FOXN3: variants seen among roughly 807,000 people sequenced by gnomAD.
FOXN3 encodes forkhead box protein N3.
FOXN3 carries 7 observed loss-of-function variants against 38.4 expected under a neutral mutation model. That is an observed-to-expected ratio of 0.18 (90% CI 0.10 to 0.34). FOXN3 has a LOEUF of 0.34. Ranked by LOEUF, FOXN3 falls within the 10% of genes least tolerant of loss-of-function variation. FOXN3 has a pLI of 1.00. For synonymous variants in FOXN3, 230 were observed against 242.2 expected (o/e 0.95, Z 0.47); for missense variants, 456 against 613.4 (o/e 0.74, Z 2.71).
intron 4 of FOXN3, among the ~76,000 whole-genome samples, chr14:89,245,805 G>A (rs574917093): frequency 6.6e-6 from 1 of 152,254 alleles, no homozygotes; most frequent in African/African-American, 2.4e-5. Flanking sequence ...CTGAGGACAC[G>A]CAGCCGGAGA....
chr14:89,533,112 A>G (rs551547878), intron 1 of FOXN3, among the ~76,000 whole-genome samples: 4 of 152,244 alleles, frequency 2.6e-5, no homozygotes, highest in Non-Finnish European at 5.9e-5. Flanking sequence ...GAATGTAAAT[A>G]GGCACTGATT....
chr14:89,277,926 C>T (rs778896315), intron 4 of FOXN3, among the ~76,000 whole-genome samples: 4 of 152,106 alleles, frequency 2.6e-5, no homozygotes, highest in Non-Finnish European at 5.9e-5. Flanking sequence ...CTTGCAATGA[C>T]ATTTTTTTTC....
intron 4 of FOXN3, among the ~76,000 whole-genome samples, chr14:89,188,365 A>C (rs1309456597): frequency 1.3e-5 from 2 of 152,162 alleles, no homozygotes; most frequent in African/African-American, 4.8e-5. Context: ...GAATCCAGTA[A>C]TCATGGACGT....
intron 1 of FOXN3, among the ~76,000 whole-genome samples, chr14:89,541,176 T>C (rs1178352506): frequency 6.6e-6 from 1 of 152,186 alleles, no homozygotes; most frequent in South Asian, 2.1e-4. Flanking sequence ...GCACTTTTCC[T>C]TCCTGGTTCA....
chr14:89,471,668 A>G (rs754379834), intron 1 of FOXN3, among the ~76,000 whole-genome samples: 6 of 152,202 alleles, frequency 3.9e-5, no homozygotes, highest in Non-Finnish European at 8.8e-5. Flanking sequence ...GACACATACT[A>G]CAAACATCAC....
intron 1 of FOXN3, among the ~76,000 whole-genome samples, chr14:89,450,590 CTT>C (rs35023413): frequency 8.7e-4 from 126 of 144,296 alleles, no homozygotes; most frequent in Admixed American, 1.4e-3. Flanking sequence ...TTCATCTTTC[CTT>C]TTTTTTTTTT....
chr14:89,566,941 T>G (rs920845629), intron 1 of FOXN3, among the ~76,000 whole-genome samples: 2 of 150,440 alleles, frequency 1.3e-5, no homozygotes, highest in African/African-American at 4.9e-5. Context: ...CCTTTTTTCC[T>G]CTAAGGTGGG....
intron 1 of FOXN3, among the ~76,000 whole-genome samples, chr14:89,485,599 A>C (rs1487858086): frequency 6.6e-6 from 1 of 152,184 alleles, no homozygotes; most frequent in Non-Finnish European, 1.5e-5. Flanking sequence ...CCAGAGAAGC[A>C]GAAAAGATCA....
intron 1 of FOXN3, among the ~76,000 whole-genome samples, chr14:89,554,920 C>T (rs1895083991): frequency 6.6e-6 from 1 of 151,718 alleles, no homozygotes; most frequent in African/African-American, 2.4e-5. Flanking sequence ...TCCCGAGTAG[C>T]TGTGATTACA....
chr14:89,239,625 AG>A (rs1411380834), intron 4 of FOXN3, among the ~76,000 whole-genome samples: 1 of 152,232 alleles, frequency 6.6e-6, no homozygotes, highest in African/African-American at 2.4e-5. Context: ...GGGTTCCTGA[AG>A]TCAAAGTCCA....
At chr14:89,306,944 CTA>C (rs1384226933) in intron 3 of FOXN3, among the ~76,000 whole-genome samples, 1 of 152,192 alleles carries the variant, frequency 6.6e-6, no homozygotes, top group Non-Finnish European at 1.5e-5. Context: ...ATGTGTACGT[CTA>C]TTTTGTGCTA....
chr14:89,556,612 A>G (rs1039119659), intron 1 of FOXN3, among the ~76,000 whole-genome samples: 18 of 152,004 alleles, frequency 1.2e-4, no homozygotes, highest in African/African-American at 4.4e-4. Flanking sequence ...GAATGCACCA[A>G]CTCCTAGGAA....
intron 1 of FOXN3, among the ~76,000 whole-genome samples, chr14:89,543,973 A>G (rs1894838174): frequency 6.6e-6 from 1 of 152,180 alleles, no homozygotes; most frequent in African/African-American, 2.4e-5. Context: ...GCTTCGATGT[A>G]ATGGATTCTG....
intron 1 of FOXN3, among the ~76,000 whole-genome samples, chr14:89,448,858 A>G (rs542806823): frequency 6.6e-6 from 1 of 151,998 alleles, no homozygotes; most frequent in South Asian, 2.1e-4. Flanking sequence ...GGGAGGACCA[A>G]TTGAGCCTGG....
chr14:89,557,933 G>A (rs1895163236), intron 1 of FOXN3, among the ~76,000 whole-genome samples: 1 of 152,184 alleles, frequency 6.6e-6, no homozygotes, highest in African/African-American at 2.4e-5. Flanking sequence ...TTGAACCAGG[G>A]AAGCGGAGGT....
chr14:89,425,062 CTTTTTTTTTTT>C (rs3994032), intron 1 of FOXN3, among the ~76,000 whole-genome samples: 3 of 104,220 alleles, frequency 2.9e-5, no homozygotes, highest in Non-Finnish European at 5.4e-5. Context: ...GTTTTCTTTT[CTTTTTTTTTTT>C]TTTTTTTTTG....
At chr14:89,218,984 T>TTCTTA (rs1320314946) in intron 4 of FOXN3, among the ~76,000 whole-genome samples, 2 of 152,260 alleles carry the variant, frequency 1.3e-5, no homozygotes, top group African/African-American at 4.8e-5. Context: ...AGCTCATTTA[T>TTCTTA]TCTTATTTTC....
chr14:89,429,655 A>G (rs1892116392), intron 1 of FOXN3, among the ~76,000 whole-genome samples: 1 of 152,188 alleles, frequency 6.6e-6, no homozygotes, highest in Admixed American at 6.5e-5. Context: ...AACGAAATAC[A>G]AAAGCCAACA....
At chr14:89,224,004 A>G (rs562858965) in intron 4 of FOXN3, among the ~76,000 whole-genome samples, 1 of 152,358 alleles carries the variant, frequency 6.6e-6, no homozygotes, top group Admixed American at 6.5e-5. Flanking sequence ...GAATCTGTCC[A>G]TTAGAATAAC....
Sources: allele counts gnomAD v4.1 joint callset (sites outside exome capture counted in the v4.1 genomes callset), GRCh38; gene constraint gnomAD v4.1.1; transcripts MANE v1.5; gene names NCBI Gene and HGNC (gene_info 2026-07-23, HGNC 2026-07-21).